ADAMTS12: variants seen among roughly 807,000 people sequenced by gnomAD.
ADAMTS12 encodes the protein ADAM metallopeptidase with thrombospondin type 1 motif 12, also known as A disintegrin and metalloproteinase with thrombospondin motifs 12.
ADAMTS12 carries 118 observed loss-of-function variants against 167.8 expected under a neutral mutation model. The ratio of observed to expected loss-of-function variants is 0.70; its 90% confidence interval spans 0.61 to 0.82. The LOEUF (loss-of-function observed/expected upper bound fraction) is 0.82. Ranked by LOEUF, ADAMTS12 falls within the 40% of genes least tolerant of loss-of-function variation. The pLI is 0.00. For synonymous variants in ADAMTS12, 704 were observed against 716.9 expected (o/e 0.98, Z 0.29); for missense variants, 1,916 against 1,998.8 (o/e 0.96, Z 0.79).
At chr5:33,728,941 A>G (rs1444940412) in intron 3 of ADAMTS12, among the ~76,000 whole-genome samples, 2 of 152,270 alleles carry the variant, frequency 1.3e-5, no homozygotes, top group African/African-American at 2.4e-5. Flanking sequence ...TGTACATGAT[A>G]TATCATATGC....
chr5:33,605,806 CG>C (rs1270831685), intron 16 of ADAMTS12, among the ~76,000 whole-genome samples: 1 of 152,130 alleles, frequency 6.6e-6, no homozygotes, highest in East Asian at 1.9e-4. Context: ...TATATTCATT[CG>C]TTTAATTCTC....
intron 2 of ADAMTS12, among the ~76,000 whole-genome samples, chr5:33,804,167 C>G (rs1446443979): frequency 6.6e-6 from 1 of 152,184 alleles, no homozygotes; most frequent in Non-Finnish European, 1.5e-5. Context: ...AATACATTAT[C>G]TTCATTCACA....
rs539763864 is a variant in ADAMTS12, at chr5:33,719,771, C to T, written c.634+31633G>A. On this transcript the variant is annotated intron_variant, in intron 3 of 23. Coordinates refer to ENST00000504830, the MANE Select transcript of ADAMTS12 (RefSeq NM_030955.4). ...AGCTTTAAGGAAGCATGGAAAACAGCAACCTTATTAGTTCTCTTAAAAGCG... is the reference window on the plus strand; with the variant it reads ...AGCTTTAAGGAAGCATGGAAAACAGTAACCTTATTAGTTCTCTTAAAAGCG... Among the ~76,000 whole-genome samples, 10 of 152,326 alleles carry T rather than the reference C, an allele frequency of 6.6e-5. No homozygotes were observed. In the South Asian group the frequency reaches 2.1e-3, roughly 32 times the overall value.
chr5:33,641,649 T>C (rs1417677179), intron 11 of ADAMTS12, among the ~76,000 whole-genome samples, 161 bp downstream of exon 11: 1 of 152,168 alleles, frequency 6.6e-6, no homozygotes, highest in Non-Finnish European at 1.5e-5. Context: ...CCACTTTTTT[T>C]CCCCACTCTC....
At chr5:33,828,504 G>A (rs1748174413) in intron 2 of ADAMTS12, among the ~76,000 whole-genome samples, 1 of 152,006 alleles carries the variant, frequency 6.6e-6, no homozygotes, top group African/African-American at 2.4e-5. Flanking sequence ...TCAATGTTTT[G>A]CTATATAATC....
intron 12 of ADAMTS12, among the ~76,000 whole-genome samples, chr5:33,633,679 T>C (rs908813257): frequency 1.2e-4 from 18 of 152,176 alleles, no homozygotes; most frequent in Middle Eastern, 3.4e-3. Context: ...GGTTATATCA[T>C]TAAGTTGTCC....
chr5:33,884,969 C>A (rs1750585564), intron 1 of ADAMTS12, among the ~76,000 whole-genome samples: 2 of 152,164 alleles, frequency 1.3e-5, no homozygotes, highest in Admixed American at 1.3e-4. Context: ...AACATGAATT[C>A]TGAATAAAAT....
chr5:33,698,150 C>T (rs1281557992), intron 3 of ADAMTS12, among the ~76,000 whole-genome samples: 1 of 152,298 alleles, frequency 6.6e-6, no homozygotes, highest in Non-Finnish European at 1.5e-5. Flanking sequence ...TTCAGAATAG[C>T]CTGGATAATT....
intron 12 of ADAMTS12, among the ~76,000 whole-genome samples, chr5:33,635,735 C>T (rs144032806): frequency 3.3e-5 from 5 of 152,156 alleles, no homozygotes; most frequent in South Asian, 4.1e-4. Flanking sequence ...TTGACATGAA[C>T]GACCTACTGG....
intron 16 of ADAMTS12, chr5:33,603,744 T>A (rs903688318): frequency 6.6e-6 from 1 of 151,866 alleles, no homozygotes; most frequent in Non-Finnish European, 1.5e-5. Flanking sequence ...AAGGTAATAT[T>A]TTAAAAATTC....
chr5:33,706,396 T>A (rs922486043), intron 3 of ADAMTS12, among the ~76,000 whole-genome samples: 2 of 152,184 alleles, frequency 1.3e-5, no homozygotes, highest in Non-Finnish European at 2.9e-5. Context: ...AGGGTGCATA[T>A]ATATTTAGGA....
intron 2 of ADAMTS12, among the ~76,000 whole-genome samples, chr5:33,779,995 CA>C (rs542279923): frequency 6.6e-6 from 1 of 152,064 alleles, no homozygotes; most frequent in African/African-American, 2.4e-5. Flanking sequence ...GTTTTTACTA[CA>C]AAAAATGATA....
intron 2 of ADAMTS12, among the ~76,000 whole-genome samples, chr5:33,797,681 T>A (rs1195048765): frequency 6.6e-6 from 1 of 152,166 alleles, no homozygotes; most frequent in Non-Finnish European, 1.5e-5. Flanking sequence ...CTTACTTGGG[T>A]TGTCGTAAGG....
intron 3 of ADAMTS12, among the ~76,000 whole-genome samples, chr5:33,730,801 C>T (rs572325157): frequency 7.9e-5 from 12 of 152,356 alleles, no homozygotes; most frequent in African/African-American, 2.6e-4. Context: ...AAAAGACAGG[C>T]AACCCTTTGC....
intron 2 of ADAMTS12, among the ~76,000 whole-genome samples, chr5:33,798,352 C>T (rs1192177249): frequency 1.3e-5 from 2 of 151,790 alleles, no homozygotes; most frequent in African/African-American, 4.8e-5. Context: ...TCCCAAGAAC[C>T]CTCTCCTTGG....
chr5:33,640,157 A>G (rs1471131751), intron 11 of ADAMTS12, among the ~76,000 whole-genome samples: 1 of 152,206 alleles, frequency 6.6e-6, no homozygotes, highest in East Asian at 1.9e-4. Flanking sequence ...CACTGGCCTG[A>G]ATCTGTGACT....
intron 2 of ADAMTS12, among the ~76,000 whole-genome samples, chr5:33,783,892 G>A (rs1478944773): frequency 1.3e-5 from 2 of 151,666 alleles, no homozygotes; most frequent in Non-Finnish European, 3.0e-5. Flanking sequence ...AGCTAACAAA[G>A]ACACTAAGAA....
At chr5:33,668,261 T>C (rs1341221522) in intron 5 of ADAMTS12, among the ~76,000 whole-genome samples, 1 of 115,866 alleles carries the variant, frequency 8.6e-6, no homozygotes, top group Non-Finnish European at 1.8e-5. Flanking sequence ...AAGTGTTGAA[T>C]AGCTCATGTA....
intron 17 of ADAMTS12, among the ~76,000 whole-genome samples, chr5:33,592,191 T>C (rs1003461144): frequency 3.3e-5 from 5 of 151,554 alleles, no homozygotes; most frequent in Non-Finnish European, 7.4e-5. Context: ...ATTGCGCCAT[T>C]GCACTCCAGC....
Sources: gnomAD v4.1 joint callset for allele counts (sites outside exome capture counted in the v4.1 genomes callset) on GRCh38, gnomAD v4.1.1 for gene constraint, MANE v1.5 for transcripts, NCBI Gene and HGNC (gene_info 2026-07-23, HGNC 2026-07-21) for gene names.